Variants in ZBTB48 observed in about 807,000 individuals in gnomAD.
The protein encoded by ZBTB48 is zinc finger and BTB domain containing 48.
ZBTB48 carries 35 observed loss-of-function variants against 64.5 expected under a neutral mutation model. The ratio of observed to expected loss-of-function variants is 0.54; its 90% CI spans 0.41 to 0.72. The LOEUF is 0.72. Among genes scored for constraint, ZBTB48 ranks in the 30% least tolerant of loss-of-function variants. The probability of loss-of-function intolerance (pLI) is 0.00; values close to 1 mark genes in which losing one functional copy is unlikely to be tolerated. For synonymous variants in ZBTB48, 442 were observed against 356.7 expected (o/e 1.24, Z -2.70); for missense variants, 828 against 895.3 (o/e 0.92, Z 0.96).
Position 6,580,247 on chromosome 1 carries a change from G to C in ZBTB48, c.-70+111G>C. The C allele has an allele frequency of 4.4e-6, 1 of 226,198 alleles. No homozygotes were observed. Among genetic ancestry groups the C allele is most frequent in the Non-Finnish European group, 8.9e-6 (1 of 112,544 alleles). 14.0% of individuals were successfully genotyped at this position (226,198 alleles called of 1,614,324 possible). On this transcript the variant is annotated intron_variant, in intron 1 of 10. Coordinates refer to ENST00000377674, the MANE Select transcript of ZBTB48 (RefSeq NM_005341.4). The surrounding 1 kb of genome is among the most constrained non-coding windows in gnomAD (Gnocchi z 5.2). Reference sequence around the variant, plus strand: ...GCGTGGGCTTCGCTCACCTGTCCCCGGCTGCCGCCCTCCGCCGTCCGGGAT... The same window carrying C: ...GCGTGGGCTTCGCTCACCTGTCCCCCGCTGCCGCCCTCCGCCGTCCGGGAT...
intron 3 of ZBTB48, among the ~76,000 whole-genome samples, chr1:6,582,621 C>T (rs183206669): frequency 1.3e-3 from 201 of 152,356 alleles, no homozygotes; most frequent in Non-Finnish European, 2.5e-3. Context: ...TGTGCTAGAG[C>T]TGGGGCCCAA....
At chr1:6,587,337 AAG>A in intron 6 of ZBTB48, 46 bp downstream of exon 6, 1 of 1,613,240 alleles carries the variant, frequency 6.2e-7, no homozygotes, top group East Asian at 2.2e-5. Flanking sequence ...TGGCATGAGC[AAG>A]AGTGAGCTGT....
At chr1:6,581,418 T>G in intron 2 of ZBTB48, 119 bp downstream of exon 2, 2 of 1,176,988 alleles carry the variant, frequency 1.7e-6, no homozygotes, top group Non-Finnish European at 2.3e-6. Context: ...TCCTAGCACT[T>G]TGGGAGGCCA....
intron 4 of ZBTB48, chr1:6,586,363 C>T: frequency 2.0e-6 from 1 of 500,756 alleles, no homozygotes; most frequent in Non-Finnish European, 3.6e-6. Flanking sequence ...CCCAGCAACC[C>T]CACTGCTGGC....
Position 6,580,008 on chromosome 1 carries a change from C to G in ZBTB48, c.-198C>G. ...TCCTGGCCTGCACGCTTTGACGTCA[C>G]GTCCGGCGCGGAGACGGTGGAGTCT... On this transcript the variant is annotated 5_prime_UTR_variant, in exon 1 of 11. Coordinates refer to ENST00000377674, the MANE Select transcript of ZBTB48 (RefSeq NM_005341.4). This position sits in a 1 kb window ranked among gnomAD's most constrained non-coding sequence, Gnocchi z 5.2. 1 of 204,820 alleles carries G rather than the reference C, an allele frequency of 4.9e-6. No homozygotes were observed. Among genetic ancestry groups the G allele is most frequent in the Non-Finnish European group, 1.0e-5 (1 of 99,262 alleles). The allele number at this position is 204,820 out of a possible 1,614,324, so 12.7% of individuals were successfully genotyped here.
Position 6,589,235 on chromosome 1 carries a change from A to T in ZBTB48, c.*23A>T, listed in dbSNP as rs561085740. The stretch of plus-strand genomic sequence containing the variant: ...TAGCCCATTCTGGCCACCAGAGCCC[A>T]CTTGGCCCCACCCCTCAATAAACCG... On this transcript the variant is annotated 3_prime_UTR_variant, in exon 11 of 11. Coordinates refer to ENST00000377674, the MANE Select transcript of ZBTB48 (RefSeq NM_005341.4). 6.7e-7 allele frequency: 1 copy of T among 1,490,598 alleles called. No individual in the cohort carries two copies. The highest frequency in any genetic ancestry group is 8.9e-7 in the Non-Finnish European group (1 of 1,125,934). The allele number at this position is 1,490,598 out of a possible 1,614,324, so 92.3% of individuals were successfully genotyped here.
At position 6,588,896 on chromosome 1, in the gene ZBTB48, G is replaced by A. The variant is rs769615106; in HGVS notation, c.1771-20G>A. The A allele has an allele frequency of 6.2e-7, 1 of 1,613,758 alleles. No individual in the cohort carries two copies. The highest frequency in any genetic ancestry group is 8.5e-7 in the Non-Finnish European group (1 of 1,179,886). The stretch of plus-strand genomic sequence containing the variant: ...CTACCCTAGGATCCCCCAAAGTTCT[G>A]AGCTCACCCTCCCCGCCAGGCCCAC... On this transcript the variant is annotated intron_variant, in intron 10 of 10. Coordinates refer to ENST00000377674, the MANE Select transcript of ZBTB48 (RefSeq NM_005341.4).
Position 6,587,092 on chromosome 1 carries a change from C to G in ZBTB48, c.1138-113C>G, listed in dbSNP as rs766003277. The G allele has an allele frequency of 4.2e-6, 5 of 1,200,046 alleles. No homozygotes were observed. In the Admixed American group the frequency reaches 7.7e-5, roughly 19 times the overall value. 74.3% of individuals were successfully genotyped at this position (1,200,046 alleles called of 1,614,324 possible). A position where few individuals can be genotyped will look rare whatever the true frequency, so the allele number is the denominator to read the frequency against. ...CTTCACACCAGATCAGGGGTCCTCC[C>G]AGAATCATCTCACCGGGGCCTCCCT... On this transcript the variant is annotated intron_variant, in intron 5 of 10. Transcript: ENST00000377674.
intron 3 of ZBTB48, among the ~76,000 whole-genome samples, chr1:6,585,025 T>G (rs1417224122): frequency 6.6e-6 from 1 of 152,156 alleles, no homozygotes; most frequent in Non-Finnish European, 1.5e-5. Flanking sequence ...TCCATCTGCC[T>G]GCAGTAGACG....
intron 6 of ZBTB48, 63 bp from the exon 7 acceptor site, chr1:6,587,415 C>G (rs1557426658): frequency 6.2e-7 from 1 of 1,608,698 alleles, no homozygotes; most frequent in Non-Finnish European, 8.5e-7. Flanking sequence ...GTCTCCCAGG[C>G]AGCCCTTCCC....
chr1:6,581,720 A>T (rs2148684656), intron 2 of ZBTB48, among the ~76,000 whole-genome samples: 1 of 152,038 alleles, frequency 6.6e-6, no homozygotes, highest in East Asian at 1.9e-4. Context: ...GTGGGTTTGG[A>T]ACAGGCTTTC....
At position 6,588,156 on chromosome 1, in the gene ZBTB48, C is replaced by T; in HGVS notation, c.1476C>T (p.Pro492=). ...TGCGCACACACACGGGTGAGAAGCCCTTCCAGTGCCACCTCTGTGGCAAGA... is the reference window on the plus strand; with the variant it reads ...TGCGCACACACACGGGTGAGAAGCCTTTCCAGTGCCACCTCTGTGGCAAGA... The part of the protein sequence containing the change: ...MHLRTHTGEK[P]FQCHLCGKTF... Residue 492 remains proline (P), a synonymous_variant, in exon 8 of 11, where the codon CCC becomes CCT. Coordinates refer to ENST00000377674, the MANE Select transcript of ZBTB48 (RefSeq NM_005341.4). The T allele has an allele frequency of 6.2e-7, 1 of 1,614,174 alleles. No individual in the cohort carries two copies. Among genetic ancestry groups the T allele is most frequent in the Non-Finnish European group, 8.5e-7 (1 of 1,180,042 alleles).
chr1:6,588,370 C>G lies in ZBTB48; in HGVS notation c.1609C>G (p.Leu537Val), dbSNP rs1023593689. ...EQRFTEKGPLLRHVASRHQEG... is the reference protein window; with the variant it reads ...EQRFTEKGPLVRHVASRHQEG... ...GCGCTTCACTGAGAAGGGGCCCCTC[C>G]TGAGGCACGTGGCCAGCCGCCATCA... The change falls in exon 9 of 11, where the codon CTG (leucine) becomes GTG (valine). Residue 537 changes from leucine to valine, a missense_variant. Leu to Val is a conservative substitution (Grantham distance 32). Transcript: ENST00000377674. 12 of 1,600,388 alleles carry G rather than the reference C, an allele frequency of 7.5e-6. No individual in the cohort carries two copies. Among genetic ancestry groups the G allele is most frequent in the Non-Finnish European group, 1.0e-5 (12 of 1,170,666 alleles).
At chr1:6,587,355 G>A in intron 6 of ZBTB48, 64 bp downstream of exon 6, 1 of 1,610,966 alleles carries the variant, frequency 6.2e-7, no homozygotes, top group Non-Finnish European at 8.5e-7. Context: ...GCTGTGCCCA[G>A]AGTGGGCAGC....
In ZBTB48 at chr1:6,584,520, C is replaced by T. The variant is rs1227112920; in HGVS notation, c.933-1399C>T. ...CCAGGTTGGGCGGCACACTAGTAATCACCTAGAATGGGAGCCAGGGGGAAA... is the reference window on the plus strand; with the variant it reads ...CCAGGTTGGGCGGCACACTAGTAATTACCTAGAATGGGAGCCAGGGGGAAA... On this transcript the variant is annotated intron_variant, in intron 3 of 10. Coordinates refer to ENST00000377674, the MANE Select transcript of ZBTB48 (RefSeq NM_005341.4). This position sits in a 1 kb window ranked among gnomAD's most constrained non-coding sequence, Gnocchi z 4.5. Among the ~76,000 whole-genome samples the T allele has an allele frequency of 1.3e-5, 2 of 152,266 alleles. No homozygotes were observed. The highest frequency in any genetic ancestry group is 6.5e-5 in the Admixed American group (1 of 15,290).
chr1:6,586,478 A>G (rs2148692678), intron 4 of ZBTB48: 2 of 984,422 alleles, frequency 2.0e-6, no homozygotes, highest in Non-Finnish European at 2.8e-6. Flanking sequence ...CCCTGCCCCC[A>G]GTCTGTCTGG....
Position 6,581,276 on chromosome 1 carries a change from C to T in ZBTB48, c.667C>T (p.Gln223Ter). The change falls in exon 2 of 11, where the codon CAG becomes TAG. Residue 223 changes from glutamine (Q) to a stop codon, truncating the protein, a stop_gained. Transcript: ENST00000377674. LOFTEE classifies it high-confidence loss of function. Reference sequence around the variant, plus strand: ...AAGGCCCTTAGAGGCTGAAGGTGCCCAGCTGCAGGGCGGCAGTAATGAGGT... The same window carrying T: ...AAGGCCCTTAGAGGCTGAAGGTGCCTAGCTGCAGGGCGGCAGTAATGAGGT... Reference protein sequence around the residue: ...PPRPLEAEGAQLQGGSNEWEV... With the variant: ...PPRPLEAEGA 1 of 1,606,054 alleles carries T rather than the reference C, an allele frequency of 6.2e-7. No homozygotes were observed. Among genetic ancestry groups the T allele is most frequent in the Non-Finnish European group, 8.5e-7 (1 of 1,176,554 alleles).
In ZBTB48 at chr1:6,582,253, T is replaced by C; in HGVS notation, c.886T>C (p.Cys296Arg). ...AGCGGTGCCGGTCGAATGCCCCACA[T>C]GTCATAAAAAGTTCCTCAGCAAATA... ...GTAVPVECPTCHKKFLSKYYL... is the reference protein window; with the variant it reads ...GTAVPVECPTRHKKFLSKYYL... Residue 296 changes from cysteine to arginine, a missense_variant, in exon 3 of 11, where the codon TGT becomes CGT. By Grantham distance (180) the Cys-to-Arg change is radical (BLOSUM62 -3). Coordinates refer to ENST00000377674, the MANE Select transcript of ZBTB48 (RefSeq NM_005341.4). The C allele has an allele frequency of 6.2e-7, 1 of 1,613,446 alleles. No homozygotes were observed. The highest frequency in any genetic ancestry group is 1.1e-5 in the South Asian group (1 of 91,056).
In ZBTB48 at chr1:6,588,308, C is replaced by G; in HGVS notation, c.1547C>G (p.Thr516Ser). 6.2e-7 allele frequency: 1 copy of G among 1,608,044 alleles called. No individual in the cohort carries two copies. Among genetic ancestry groups the G allele is most frequent in the Non-Finnish European group, 8.5e-7 (1 of 1,175,416 alleles). ...ASLDKHNRTHTGERPFSCEFC... is the reference protein window; with the variant it reads ...ASLDKHNRTHSGERPFSCEFC... ...CTGGACAAGCACAACCGCACCCACA[C>G]CGGGGAAAGGCCCTTCAGTTGCGAG... The change falls in exon 9 of 11, where the codon ACC becomes AGC. Residue 516 changes from threonine to serine, a missense_variant. Thr to Ser is a moderately conservative substitution (Grantham distance 58). Transcript: ENST00000377674.
Sources: gnomAD v4.1 joint callset for allele counts (sites outside exome capture counted in the v4.1 genomes callset) on GRCh38, gnomAD v4.1.1 for gene constraint, Gnocchi (gnomAD v3.1) non-coding constraint, MANE v1.5 for transcripts, NCBI Gene and HGNC (gene_info 2026-07-23, HGNC 2026-07-21) for gene names.